The following DLC1 variants were observed in gnomAD, a reference collection of about 807,000 sequenced individuals.
The protein encoded by DLC1 is rho GTPase-activating protein 7.
DLC1 carries 54 observed loss-of-function variants against 140.3 expected under a neutral mutation model. The ratio of observed to expected loss-of-function variants is 0.38; its 90% CI spans 0.31 to 0.48. The LOEUF is 0.48. Ranked by LOEUF, DLC1 falls within the 20% of genes least tolerant of loss-of-function variation. The pLI, the probability that DLC1 is intolerant of heterozygous loss-of-function variation, is 0.96. For missense variants in DLC1, 2,536 were observed against 1,907.0 expected, an observed-to-expected ratio of 1.33 and a Z score of -6.14; for synonymous variants, 986 against 728.1, an observed-to-expected ratio of 1.35 and a Z score of -5.70.
chr8:13,298,598 A>G (rs977230631), intron 5 of DLC1, among the ~76,000 whole-genome samples: 2 of 152,250 alleles, frequency 1.3e-5, no homozygotes, highest in East Asian at 1.9e-4. Context: ...GCTAAGCAAG[A>G]TAATAAAACT....
intron 3 of DLC1, among the ~76,000 whole-genome samples, chr8:13,398,501 A>C (rs908320401): frequency 2.6e-5 from 4 of 151,548 alleles, no homozygotes; most frequent in Admixed American, 2.6e-4. Context: ...ATGATGGCTC[A>C]TGCTTATAAT....
chr8:13,257,957 A>G (rs17190046), intron 5 of DLC1, among the ~76,000 whole-genome samples: 5,565 of 152,352 alleles, frequency 0.037, 156 homozygotes, highest in South Asian at 0.068. Context: ...GCGGGAAGTC[A>G]TCAAAAGCCA....
At chr8:13,117,851 T>A (rs958726437) in intron 5 of DLC1, among the ~76,000 whole-genome samples, 3 of 152,318 alleles carry the variant, frequency 2.0e-5, no homozygotes, top group South Asian at 2.1e-4. Flanking sequence ...CTAAGAGAAA[T>A]AGTTTCATGC....
chr8:13,305,662 C>T (rs1832388692), intron 4 of DLC1, among the ~76,000 whole-genome samples: 1 of 152,074 alleles, frequency 6.6e-6, no homozygotes, highest in Admixed American at 6.6e-5. Flanking sequence ...CATGGTGAAA[C>T]CCCATCTCTA....
At chr8:13,162,243 T>C (rs1377259228) in intron 5 of DLC1, among the ~76,000 whole-genome samples, 4 of 152,344 alleles carry the variant, frequency 2.6e-5, no homozygotes, top group Admixed American at 1.3e-4. Flanking sequence ...TAAACCATTT[T>C]GGAACTTGAA....
At chr8:13,092,164 G>A (rs1444782360) in intron 13 of DLC1, among the ~76,000 whole-genome samples, 1 of 152,202 alleles carries the variant, frequency 6.6e-6, no homozygotes, top group Non-Finnish European at 1.5e-5. Context: ...AGAATGGCTT[G>A]AACCTGGAAG....
chr8:13,466,278 G>T (rs180719712), intron 2 of DLC1, among the ~76,000 whole-genome samples: 1 of 152,160 alleles, frequency 6.6e-6, no homozygotes, highest in Non-Finnish European at 1.5e-5. Context: ...TGTTCTGGAC[G>T]CAATACCCCC....
At chr8:13,093,909 C>T (rs1250598450) in intron 12 of DLC1, among the ~76,000 whole-genome samples, 5 of 152,172 alleles carry the variant, frequency 3.3e-5, no homozygotes, top group East Asian at 1.9e-4. Context: ...TCATTAATTT[C>T]GACAACTGTT....
At chr8:13,389,099 T>C (rs1045908569) in intron 4 of DLC1, among the ~76,000 whole-genome samples, 1 of 152,114 alleles carries the variant, frequency 6.6e-6, no homozygotes, top group African/African-American at 2.4e-5. Context: ...TGCTAGACTC[T>C]CCTTGTTCCT....
chr8:13,601,798 T>TAAC (rs913406433), intron 1 of DLC1, among the ~76,000 whole-genome samples: 13 of 151,750 alleles, frequency 8.6e-5, no homozygotes, highest in Non-Finnish European at 1.3e-4. Context: ...CAATCATATA[T>TAAC]AACAACAACA....
chr8:13,094,449 T>G (rs940357912), intron 12 of DLC1, among the ~76,000 whole-genome samples: 1 of 152,048 alleles, frequency 6.6e-6, no homozygotes, highest in African/African-American at 2.4e-5. Context: ...GAGGATCACT[T>G]GAGGTCAGGA....
At chr8:13,584,870 A>G (rs539263660) in intron 1 of DLC1, among the ~76,000 whole-genome samples, 13 of 152,288 alleles carry the variant, frequency 8.5e-5, no homozygotes, top group African/African-American at 2.6e-4. Flanking sequence ...AAACCACATT[A>G]TAATCTGAAA....
At chr8:13,170,537 T>C (rs1024117205) in intron 5 of DLC1, among the ~76,000 whole-genome samples, 1 of 152,132 alleles carries the variant, frequency 6.6e-6, no homozygotes, top group Non-Finnish European at 1.5e-5. Context: ...GAGACCATCC[T>C]GGCCAACACG....
chr8:13,267,825 G>A (rs547788929), intron 5 of DLC1, among the ~76,000 whole-genome samples: 1 of 151,870 alleles, frequency 6.6e-6, no homozygotes, highest in Non-Finnish European at 1.5e-5. Context: ...AAAGAACCAA[G>A]AGAGAAGGGT....
At chr8:13,569,296 G>C (rs902699262) in intron 1 of DLC1, among the ~76,000 whole-genome samples, 1 of 152,090 alleles carries the variant, frequency 6.6e-6, no homozygotes, top group Non-Finnish European at 1.5e-5. Flanking sequence ...CAGCACAGAA[G>C]AGTTTTAGTA....
chr8:13,376,126 T>A (rs1039277939), intron 4 of DLC1, among the ~76,000 whole-genome samples: 1 of 152,164 alleles, frequency 6.6e-6, no homozygotes, highest in African/African-American at 2.4e-5. Context: ...AAGAAAATGG[T>A]TTGGCCATGA....
intron 3 of DLC1, among the ~76,000 whole-genome samples, chr8:13,393,992 G>A (rs1836895615): frequency 6.6e-6 from 1 of 150,528 alleles, no homozygotes; most frequent in African/African-American, 2.4e-5. Context: ...CTGCAGAGAA[G>A]TTAGAAGGCA....
chr8:13,248,054 G>C (rs796545866), intron 5 of DLC1, among the ~76,000 whole-genome samples: 7 of 152,328 alleles, frequency 4.6e-5, no homozygotes, highest in African/African-American at 1.7e-4. Flanking sequence ...TGGAACTGAA[G>C]CTCCAGGAAA....
intron 5 of DLC1, among the ~76,000 whole-genome samples, chr8:13,193,558 A>C (rs1425711999): frequency 6.6e-6 from 1 of 152,134 alleles, no homozygotes; most frequent in East Asian, 1.9e-4. Context: ...GTGGGTTAGA[A>C]GCATTTATCT....
Sources: allele counts gnomAD v4.1 joint callset (sites outside exome capture counted in the v4.1 genomes callset), GRCh38; gene constraint gnomAD v4.1.1; transcripts MANE v1.5; gene names NCBI Gene and HGNC (gene_info 2026-07-23, HGNC 2026-07-21).